The following CSMD3 variants were observed in gnomAD, a reference collection of about 807,000 sequenced individuals.
The protein encoded by CSMD3 is CUB and sushi domain-containing protein 3.
Under a neutral mutation model 435.2 loss-of-function variants are expected in CSMD3, and 177 were observed. The observed-to-expected ratio is 0.41, with a 90% confidence interval of 0.36 to 0.46. The LOEUF (loss-of-function observed/expected upper bound fraction) is 0.46. Among genes scored for constraint, CSMD3 ranks in the 20% least tolerant of loss-of-function variants. The pLI is 0.34. For synonymous variants in CSMD3, 1,656 were observed against 1,520.5 expected (o/e 1.09, Z -2.07); for missense variants, 4,265 against 4,504.6 (o/e 0.95, Z 1.52).
chr8:113,148,739 C>G lies in CSMD3; in HGVS notation c.709+24983G>C, dbSNP rs1019427187. Reference sequence around the variant, plus strand: ...ACCTGTAAACACCTGTAAAACAAAACAAACCAAGAGTTTTGTTGGTTTCTT... The same window carrying G: ...ACCTGTAAACACCTGTAAAACAAAAGAAACCAAGAGTTTTGTTGGTTTCTT... On this transcript the variant is annotated intron_variant, in intron 4 of 70. Transcript: ENST00000297405. 2.0e-4 allele frequency among the ~76,000 whole-genome samples: 31 copies of G among 151,718 alleles called. 1 individual carries two copies. In the East Asian group the frequency reaches 2.3e-3, roughly 11 times the overall value.
At chr8:112,721,437 T>C (rs2076855385) in intron 13 of CSMD3, among the ~76,000 whole-genome samples, 1 of 151,850 alleles carries the variant, frequency 6.6e-6, no homozygotes, top group Non-Finnish European at 1.5e-5. Context: ...TAGCTCGGCA[T>C]GGTGGTGGGA....
At chr8:112,978,117 A>C in intron 6 of CSMD3, among the ~76,000 whole-genome samples, 1 of 151,996 alleles carries the variant, frequency 6.6e-6, no homozygotes, top group East Asian at 1.9e-4. Context: ...ATGCTTTAAT[A>C]TTTTTATAAC....
At chr8:112,335,586 T>A in intron 44 of CSMD3, 112 bp from the exon 45 acceptor site, 1 of 952,294 alleles carries the variant, frequency 1.1e-6, no homozygotes, top group Non-Finnish European at 1.6e-6. Context: ...GTATCAATAA[T>A]AAAGATGCAG....
intron 31 of CSMD3, among the ~76,000 whole-genome samples, chr8:112,476,845 A>G (rs1819103469): frequency 6.6e-6 from 1 of 152,162 alleles, no homozygotes; most frequent in African/African-American, 2.4e-5. Context: ...CTCTGCCTCT[A>G]TAACTGTCAC....
intron 3 of CSMD3, among the ~76,000 whole-genome samples, chr8:113,252,387 G>A (rs1193384902): frequency 6.6e-6 from 1 of 152,102 alleles, no homozygotes; most frequent in Non-Finnish European, 1.5e-5. Context: ...ATGTGAAGTT[G>A]TAATTCACTG....
chr8:113,112,241 T>C (rs1338727635), intron 4 of CSMD3, among the ~76,000 whole-genome samples: 3 of 151,178 alleles, frequency 2.0e-5, no homozygotes, highest in African/African-American at 4.9e-5. Flanking sequence ...TGATTACAGT[T>C]TTTGAGAATG....
intron 27 of CSMD3, among the ~76,000 whole-genome samples, chr8:112,547,731 A>G (rs1211405742): frequency 2.0e-5 from 3 of 152,192 alleles, no homozygotes; most frequent in Admixed American, 2.0e-4. Context: ...GAATTTAAGC[A>G]CATGGGAGCA....
At chr8:112,742,027 A>C (rs536259335) in intron 13 of CSMD3, among the ~76,000 whole-genome samples, 1 of 151,996 alleles carries the variant, frequency 6.6e-6, no homozygotes, top group South Asian at 2.1e-4. Context: ...GATAGGAAGA[A>C]AAAAGTCTTC....
intron 38 of CSMD3, among the ~76,000 whole-genome samples, chr8:112,360,627 C>T (rs1249854645): frequency 6.6e-6 from 1 of 151,694 alleles, no homozygotes; most frequent in African/African-American, 2.4e-5. Context: ...TCCTGCATCT[C>T]CAGAGTTTCT....
chr8:112,257,875 A>G (rs1440445771), intron 61 of CSMD3, among the ~76,000 whole-genome samples: 1 of 152,190 alleles, frequency 6.6e-6, no homozygotes, highest in African/African-American at 2.4e-5. Context: ...ACCTGACTTC[A>G]AACTATACTA....
chr8:112,268,629 G>T (rs916969151), intron 59 of CSMD3, among the ~76,000 whole-genome samples: 1 of 152,040 alleles, frequency 6.6e-6, no homozygotes, highest in African/African-American at 2.4e-5. Context: ...TATAATTTAT[G>T]CAACCAAAGA....
At chr8:112,996,736 TA>T (rs1356629638) in intron 6 of CSMD3, among the ~76,000 whole-genome samples, 6 of 151,622 alleles carry the variant, frequency 4.0e-5, no homozygotes, top group Admixed American at 3.3e-4. Context: ...AGCAGGTTTT[TA>T]AAAATGACAG....
At chr8:112,867,929 T>A (rs2129994139) in intron 10 of CSMD3, among the ~76,000 whole-genome samples, 1 of 152,196 alleles carries the variant, frequency 6.6e-6, no homozygotes, top group East Asian at 1.9e-4. Flanking sequence ...ACTTTTTTAC[T>A]TTATAAACTC....
chr8:112,982,929 T>C (rs2085107664), intron 6 of CSMD3, among the ~76,000 whole-genome samples: 1 of 151,958 alleles, frequency 6.6e-6, no homozygotes, highest in African/African-American at 2.4e-5. Context: ...ACTTATAACA[T>C]ACTTTTGTTT....
At chr8:112,464,135 G>A (rs892210662) in intron 32 of CSMD3, among the ~76,000 whole-genome samples, 2 of 151,940 alleles carry the variant, frequency 1.3e-5, no homozygotes, top group African/African-American at 4.8e-5. Context: ...CTACTCAGGA[G>A]GCTGAGGCAG....
intron 61 of CSMD3, among the ~76,000 whole-genome samples, chr8:112,258,009 T>C (rs1006448896): frequency 6.6e-6 from 1 of 151,990 alleles, no homozygotes; most frequent in Admixed American, 6.6e-5. Flanking sequence ...TTGACAAACC[T>C]GACAAAAACA....
chr8:113,424,825 G>A, intron 1 of CSMD3, among the ~76,000 whole-genome samples: 1 of 151,458 alleles, frequency 6.6e-6, no homozygotes, highest in Non-Finnish European at 1.5e-5. Flanking sequence ...AGCATCTGTA[G>A]AATGTTATAT....
intron 59 of CSMD3, among the ~76,000 whole-genome samples, chr8:112,267,550 A>T (rs1414689565): frequency 1.3e-5 from 2 of 152,076 alleles, no homozygotes; most frequent in African/African-American, 4.8e-5. Context: ...TATATTTATA[A>T]CCAAGATTTT....
At chr8:113,105,540 T>TGAA (rs1400449175) in intron 4 of CSMD3, among the ~76,000 whole-genome samples, 1 of 152,144 alleles carries the variant, frequency 6.6e-6, no homozygotes, top group Non-Finnish European at 1.5e-5. Context: ...TGAAATTTCA[T>TGAA]GAAGTCACAT....
Sources: allele counts gnomAD v4.1 joint callset (sites outside exome capture counted in the v4.1 genomes callset), GRCh38; gene constraint gnomAD v4.1.1; transcripts MANE v1.5; gene names NCBI Gene and HGNC (gene_info 2026-07-23, HGNC 2026-07-21).